Variants in SSRP1 observed in about 807,000 individuals in gnomAD.
SSRP1 encodes the protein FACT complex subunit SSRP1.
Under a neutral mutation model 84.4 loss-of-function variants are expected in SSRP1, and 21 were observed. The observed-to-expected ratio is 0.25, with a 90% confidence interval of 0.18 to 0.36. The LOEUF (loss-of-function observed/expected upper bound fraction) is 0.36. Ranked by LOEUF, SSRP1 falls within the 10% of genes least tolerant of loss-of-function variation. The probability of loss-of-function intolerance (pLI) is 1.00; values close to 1 mark genes in which losing one functional copy is unlikely to be tolerated. For missense variants in SSRP1, 519 were observed against 900.8 expected, an observed-to-expected ratio of 0.58 and a Z score of 5.43; for synonymous variants, 319 against 318.3, an observed-to-expected ratio of 1.00 and a Z score of -0.02.
In SSRP1 at chr11:57,330,034, C is replaced by A; in HGVS notation, c.1481+59G>T. The A allele has an allele frequency of 1.2e-6, 2 of 1,602,896 alleles. No homozygotes were observed. The highest frequency in any genetic ancestry group is 8.5e-7 in the Non-Finnish European group (1 of 1,169,880). On this transcript the variant is annotated intron_variant, in intron 12 of 16. Coordinates refer to ENST00000278412, the MANE Select transcript of SSRP1 (RefSeq NM_003146.3). The surrounding 1 kb of genome is among the most constrained non-coding windows in gnomAD (Gnocchi z 4.0). ...GACCTGAGAAATGTCCAGAAATCTTCTGGTCCCTTAAGCTTATGGGTCACC... is the reference window on the plus strand; with the variant it reads ...GACCTGAGAAATGTCCAGAAATCTTATGGTCCCTTAAGCTTATGGGTCACC...
In SSRP1 at chr11:57,334,721, A is replaced by G. The variant is rs1856172224; in HGVS notation, c.55-73T>C. 4 of 1,534,418 alleles carry G rather than the reference A, an allele frequency of 2.6e-6. No individual in the cohort carries two copies. In the South Asian group the frequency reaches 4.7e-5, roughly 18 times the overall value. ...CCTGGGTTCTACAGCTCTACCTAAC[A>G]CACATTCCTGCTGCAAGTGGACTGG... On this transcript the variant is annotated intron_variant, in intron 2 of 16. Coordinates refer to ENST00000278412, the MANE Select transcript of SSRP1 (RefSeq NM_003146.3).
chr11:57,330,613 G>T lies in SSRP1; in HGVS notation c.1297-184C>A. The T allele has an allele frequency of 7.0e-7, 1 of 1,436,164 alleles. No homozygotes were observed. The highest frequency in any genetic ancestry group is 9.1e-7 in the Non-Finnish European group (1 of 1,096,558). The allele number at this position is 1,436,164 out of a possible 1,614,324, so 89.0% of individuals were successfully genotyped here. A position where few individuals can be genotyped will look rare whatever the true frequency, so the allele number is the denominator to read the frequency against. On this transcript the variant is annotated intron_variant, in intron 10 of 16. Transcript: ENST00000278412. This position sits in a 1 kb window ranked among gnomAD's most constrained non-coding sequence, Gnocchi z 4.0. ...CAAGTACTTCCTGCCAACTGGGTTA[G>T]TCCAAGCCCCAAGCCCCTCCCTCTC...
In SSRP1 at chr11:57,334,610, G is replaced by GA; in HGVS notation, c.92dup (p.Phe32LeufsTer4). 6.2e-7 allele frequency: 1 copy of GA among 1,614,202 alleles called. No individual in the cohort carries two copies. The highest frequency in any genetic ancestry group is 8.5e-7 in the Non-Finnish European group (1 of 1,180,050). ...CTTTGCCTGTCTTGCTATTCTTGAA[G>GA]ATGATGCCCTGACGGCTCAACCTCA... On this transcript the variant is annotated frameshift_variant, in exon 3 of 17. Coordinates refer to ENST00000278412, the MANE Select transcript of SSRP1 (RefSeq NM_003146.3). LOFTEE classifies it high-confidence loss of function.
At chr11:57,333,196 T>G in intron 4 of SSRP1, 47 bp from the exon 5 acceptor site, 2 of 1,558,660 alleles carry the variant, frequency 1.3e-6, no homozygotes, top group Non-Finnish European at 1.7e-6. Context: ...CCCTTAAGTC[T>G]GCATAAGCAA....
At chr11:57,329,879 G>T in intron 12 of SSRP1, 1 of 634,542 alleles carries the variant, frequency 1.6e-6, no homozygotes. Flanking sequence ...TATGGCCATA[G>T]ATCCCACTAT....
chr11:57,332,917 C>A lies in SSRP1; in HGVS notation c.537+42G>T, dbSNP rs1468549254. The A allele has an allele frequency of 4.4e-6, 7 of 1,598,410 alleles. No homozygotes were observed. Among genetic ancestry groups the A allele is most frequent in the Non-Finnish European group, 5.1e-6 (6 of 1,170,136 alleles). On this transcript the variant is annotated intron_variant, in intron 5 of 16. Coordinates refer to ENST00000278412, the MANE Select transcript of SSRP1 (RefSeq NM_003146.3). This position sits in a 1 kb window ranked among gnomAD's most constrained non-coding sequence, Gnocchi z 5.5. ...CTGCTCCCAGGCCAGCCAATGCCTG[C>A]TCAGCACCATCTGCTGCCAAGGCAA... is the stretch of plus-strand genomic sequence containing the variant.
chr11:57,330,828 G>A lies in SSRP1; in HGVS notation c.1296+27C>T, dbSNP rs189558107. 2.0e-5 allele frequency: 33 copies of A among 1,613,966 alleles called. No homozygotes were observed. In the Admixed American group the frequency reaches 2.2e-4, roughly 11 times the overall value. ...CTCCCCTATAGAAAGACCAGGAGAGGGTCTCATCCTCCCCACACAGAAGTA... is the reference window on the plus strand; with the variant it reads ...CTCCCCTATAGAAAGACCAGGAGAGAGTCTCATCCTCCCCACACAGAAGTA... On this transcript the variant is annotated intron_variant, in intron 10 of 16. Coordinates refer to ENST00000278412, the MANE Select transcript of SSRP1 (RefSeq NM_003146.3). This position sits in a 1 kb window ranked among gnomAD's most constrained non-coding sequence, Gnocchi z 4.0.
rs1294555010 is a variant in SSRP1, at chr11:57,327,114, T to C, written c.1872-225A>G. On this transcript the variant is annotated intron_variant, in intron 15 of 16. Coordinates refer to ENST00000278412, the MANE Select transcript of SSRP1 (RefSeq NM_003146.3). ...AAGCAGCCCAATGTGCAAAACCTAC[T>C]TGATATTTCTTGCTTTATCTTTTAG... 6 of 807,220 alleles carry C rather than the reference T, an allele frequency of 7.4e-6. No homozygotes were observed. The East Asian group carries it at 1.3e-4, about 18-fold the overall frequency. The allele number at this position is 807,220 out of a possible 1,614,324, so 50.0% of individuals were successfully genotyped here.
intron 12 of SSRP1, 78 bp from the exon 13 acceptor site, chr11:57,328,504 T>A: frequency 6.4e-7 from 1 of 1,574,594 alleles, no homozygotes; most frequent in Non-Finnish European, 8.6e-7. Flanking sequence ...GGAAGACAAA[T>A]CCAAAGATAC....
intron 12 of SSRP1, 103 bp downstream of exon 12, chr11:57,329,990 G>C: frequency 7.1e-7 from 1 of 1,413,726 alleles, no homozygotes; most frequent in Non-Finnish European, 1.0e-6. Flanking sequence ...TCCCATTCTG[G>C]GTCAGTAGCT....
rs1856026016 is a variant in SSRP1, at chr11:57,328,359, GCTT to G, written c.1546_1548del (p.Lys516del). The G allele has an allele frequency of 1.2e-6, 2 of 1,614,106 alleles. No homozygotes were observed. Among genetic ancestry groups the G allele is most frequent in the Middle Eastern group, 1.6e-4 (1 of 6,062 alleles). ...ATCTTGGCCTTTTTGAGCTGTTTCCGCTTCTTCTCATCCCGGTCACTGTCACCC... is the reference window on the plus strand; with the variant it reads ...ATCTTGGCCTTTTTGAGCTGTTTCCGCTTCTCATCCCGGTCACTGTCACCC... On this transcript the variant is annotated inframe_deletion, in exon 13 of 17. Transcript: ENST00000278412.
At chr11:57,334,088 G>A (rs1299609541) in intron 3 of SSRP1, among the ~76,000 whole-genome samples, 1 of 152,208 alleles carries the variant, frequency 6.6e-6, no homozygotes, top group African/African-American at 2.4e-5. Context: ...AGGAGGCGGA[G>A]GCTGCAGTAA....
rs1253929206 is a variant in SSRP1 at position 57,327,885 on chromosome 11, A to C, written c.1612-3T>G. On this transcript the variant is annotated splice_polypyrimidine_tract_variant and splice_region_variant and intron_variant, in intron 13 of 16. Transcript: ENST00000278412. Reference sequence around the variant, plus strand: ...TTGGGGTCTTTGCCCTTCTTCACCTACATAAGAACCCAAATGCCTTCAGCT... The same window carrying C: ...TTGGGGTCTTTGCCCTTCTTCACCTCCATAAGAACCCAAATGCCTTCAGCT... 6.2e-7 allele frequency: 1 copy of C among 1,612,258 alleles called. No homozygotes were observed. Among genetic ancestry groups the C allele is most frequent in the Non-Finnish European group, 8.5e-7 (1 of 1,178,830 alleles).
intron 15 of SSRP1, 136 bp downstream of exon 15, chr11:57,327,290 G>A: frequency 1.1e-6 from 1 of 910,194 alleles, no homozygotes; most frequent in Non-Finnish European, 1.7e-6. Flanking sequence ...GGCCTACCCA[G>A]GTTTGAGAAG....
chr11:57,329,099 A>G (rs927017299), intron 12 of SSRP1: 4 of 152,342 alleles, frequency 2.6e-5, no homozygotes, highest in African/African-American at 9.6e-5. Flanking sequence ...CAATGCAACT[A>G]CCTTACACCT....
At chr11:57,329,050 A>G (rs1418843362) in intron 12 of SSRP1, 1 of 152,490 alleles carries the variant, frequency 6.6e-6, no homozygotes, top group Non-Finnish European at 1.5e-5. Flanking sequence ...CTACCCCTGT[A>G]ATTGACAGTC....
intron 3 of SSRP1, 120 bp from the exon 4 acceptor site, chr11:57,333,660 C>A (rs1391986478): frequency 1.4e-6 from 1 of 712,674 alleles, no homozygotes; most frequent in African/African-American, 1.8e-5. Flanking sequence ...ATAAGAAATC[C>A]ATGCTGACTT....
At chr11:57,327,023 G>A (rs1048903409) in intron 15 of SSRP1, 134 bp from the exon 16 acceptor site, 43 of 1,427,386 alleles carry the variant, frequency 3.0e-5, no homozygotes, top group Admixed American at 8.5e-5. Flanking sequence ...AAATAGCTGC[G>A]TCAGCCTGGA....
Position 57,335,669 on chromosome 11 carries a change from G to A in SSRP1, c.-120+61C>T, listed in dbSNP as rs1856202794. 1 of 155,476 alleles carries A rather than the reference G, an allele frequency of 6.4e-6. No homozygotes were observed. The highest frequency in any genetic ancestry group is 1.4e-5 in the Non-Finnish European group (1 of 69,722). 9.6% of individuals were successfully genotyped at this position (155,476 alleles called of 1,614,324 possible). On this transcript the variant is annotated intron_variant, in intron 1 of 16. Transcript: ENST00000278412. This position sits in a 1 kb window ranked among gnomAD's most constrained non-coding sequence, Gnocchi z 4.6. Reference sequence around the variant, plus strand: ...TTGCGAACGCGGAATGGTCCATGTCGAGGGTCCCGTGGGGGAGCGGGGCCC... The same window carrying A: ...TTGCGAACGCGGAATGGTCCATGTCAAGGGTCCCGTGGGGGAGCGGGGCCC...
Sources: gnomAD v4.1 joint callset for allele counts (sites outside exome capture counted in the v4.1 genomes callset) on GRCh38, gnomAD v4.1.1 for gene constraint, Gnocchi (gnomAD v3.1) non-coding constraint, MANE v1.5 for transcripts, NCBI Gene and HGNC (gene_info 2026-07-23, HGNC 2026-07-21) for gene names.